Variants in CST3 observed in about 807,000 individuals in gnomAD.
CST3 encodes the protein cystatin-C.
Under a neutral mutation model 9.0 loss-of-function variants are expected in CST3, and 14 were observed. The ratio of observed to expected loss-of-function variants is 1.56; its 90% confidence interval spans 1.03 to 2.44. The LOEUF is 2.44. Among genes scored for constraint, CST3 ranks in the 30% most tolerant of loss-of-function variants. The pLI, the probability that CST3 is intolerant of heterozygous loss-of-function variation, is 0.00. For missense variants in CST3, 237 were observed against 204.3 expected (o/e 1.16, Z -0.98); for synonymous variants, 96 against 90.2 (o/e 1.06, Z -0.37).
chr20:23,637,525 C>G, intron 1 of CST3, 95 bp downstream of exon 1: 1 of 1,226,042 alleles, frequency 8.2e-7, no homozygotes. Context: ...GAAGCCCAGG[C>G]GCCGGAGAGG....
chr20:23,637,544 G>A (rs1568706361), intron 1 of CST3, 76 bp downstream of exon 1: 1 of 1,338,556 alleles, frequency 7.5e-7, no homozygotes, highest in Admixed American at 3.4e-5. Context: ...GGAGCAGCAC[G>A]GGGTCCGGGA....
At chr20:23,635,189 C>T (rs1221816797) in intron 2 of CST3, 65 bp downstream of exon 2, 5 of 1,329,232 alleles carry the variant, frequency 3.8e-6, no homozygotes, top group Non-Finnish European at 5.4e-6. Context: ...GCATCACACA[C>T]ACACACACAC....
exon 4 of CST3, chr20:23,628,309 A>G (rs1327140816): frequency 6.6e-6 from 1 of 152,236 alleles, no homozygotes; most frequent in African/African-American, 2.4e-5. Flanking sequence ...GAGCCCGATT[A>G]TATCTCAATA....
At chr20:23,628,019 A>G (rs1979314372) in exon 4 of CST3, 1 of 152,124 alleles carries the variant, frequency 6.6e-6, no homozygotes, top group South Asian at 2.1e-4. Context: ...TATCAGATAT[A>G]TAATTTGCAA....
chr20:23,628,063 T>C (rs974834619), exon 4 of CST3: 1 of 152,130 alleles, frequency 6.6e-6, no homozygotes, highest in Admixed American at 6.5e-5. Context: ...TGTTTTTTTT[T>C]GTTTTTGTTT....
downstream of CST3, among the ~76,000 whole-genome samples, chr20:23,633,240 G>C (rs1979515495): frequency 6.6e-6 from 1 of 152,182 alleles, no homozygotes; most frequent in Non-Finnish European, 1.5e-5. Context: ...GAGCAGCTCA[G>C]TCCCTGGGGT....
Position 23,635,332 on chromosome 20 carries a change from C to G in CST3, c.279G>C (p.Glu93Asp). 6.2e-7 allele frequency: 1 copy of G among 1,613,792 alleles called. No individual in the cohort carries two copies. The highest frequency in any genetic ancestry group is 8.5e-7 in the Non-Finnish European group (1 of 1,179,740). The change falls in exon 2 of 3, where the codon GAG becomes GAC. Residue 93 changes from glutamate (E) to aspartate (D), a missense_variant. Glu to Asp is a conservative substitution (Grantham distance 45). Transcript: ENST00000376925. ...VAGVNYFLDV[E>D]LGRTTCTKTQ... is the part of the protein sequence containing the mutation. The stretch of plus-strand genomic sequence containing the variant: ...TCTTGGTACACGTGGTTCGGCCCAG[C>G]TCCACGTCCAAGAAGTAGTTCACCC...
intron 2 of CST3, among the ~76,000 whole-genome samples, chr20:23,634,647 C>T (rs1979590403): frequency 6.6e-6 from 1 of 152,092 alleles, no homozygotes; most frequent in South Asian, 2.1e-4. Context: ...CTGCCCAGCA[C>T]CCAGCCCTGC....
Position 23,637,634 on chromosome 20 carries a change from G to A in CST3, c.229C>T (p.Arg77Cys). The A allele has an allele frequency of 6.6e-7, 1 of 1,521,564 alleles. No individual in the cohort carries two copies. Among genetic ancestry groups the A allele is most frequent in the Non-Finnish European group, 8.8e-7 (1 of 1,135,498 alleles). 94.3% of individuals were successfully genotyped at this position (1,521,564 alleles called of 1,614,324 possible). ...MYHSRALQVVRARKQIVAGVN... is the reference protein window; with the variant it reads ...MYHSRALQVVCARKQIVAGVN... ...GCGGCACGCACCTGCTTGCGGGCGC[G>A]CACCACCTGCAGCGCGCGGCTGTGG... Residue 77 changes from arginine (R) to cysteine (C), a missense_variant, in exon 1 of 3, where the codon CGC (arginine) becomes TGC (cysteine). By Grantham distance (180) the Arg-to-Cys change is radical. Transcript: ENST00000376925.
rs1600362283 is a variant in CST3, at chr20:23,633,662, T to C, written c.*254A>G. 2 of 604,316 alleles carry C rather than the reference T, an allele frequency of 3.3e-6. No homozygotes were observed. Among genetic ancestry groups the C allele is most frequent in the East Asian group, 5.6e-5 (2 of 35,948 alleles). 37.4% of individuals were successfully genotyped at this position (604,316 alleles called of 1,614,324 possible). ...CAGCCAAGAACTCAGAGGGAGCCGATGCTACTATTTTATTGCAGGAGGTGG... is the reference window on the plus strand; with the variant it reads ...CAGCCAAGAACTCAGAGGGAGCCGACGCTACTATTTTATTGCAGGAGGTGG... On this transcript the variant is annotated 3_prime_UTR_variant, in exon 3 of 3. Transcript: ENST00000376925.
chr20:23,631,011 G>A (rs1037942632), downstream of CST3, among the ~76,000 whole-genome samples: 8 of 151,922 alleles, frequency 5.3e-5, no homozygotes, highest in African/African-American at 7.3e-5. Context: ...AATGTTAAAC[G>A]TTGTCAATTT....
chr20:23,635,674 G>C (rs2122476556), intron 1 of CST3, among the ~76,000 whole-genome samples: 1 of 152,340 alleles, frequency 6.6e-6, no homozygotes, highest in South Asian at 2.1e-4. Flanking sequence ...CTCATGTGAT[G>C]ATGAAATTTC....
At chr20:23,633,587 A>C (rs1023696030), downstream of CST3, 12 of 500,322 alleles carry the variant, frequency 2.4e-5, no homozygotes, top group East Asian at 3.7e-5. Flanking sequence ...CAGGACAAGG[A>C]GGCTTCATAA....
chr20:23,627,771 T>C (rs1014204721), exon 4 of CST3: 1 of 152,232 alleles, frequency 6.6e-6, no homozygotes, highest in African/African-American at 2.4e-5. Context: ...TAATAGCTAA[T>C]GGTGTTATGC....
chr20:23,635,641 A>C (rs906426943), intron 1 of CST3, among the ~76,000 whole-genome samples: 2 of 152,214 alleles, frequency 1.3e-5, no homozygotes, highest in African/African-American at 2.4e-5. Flanking sequence ...GGGCAGGGAC[A>C]CTGGATCTAT....
At chr20:23,631,167 A>T (rs1380091579), downstream of CST3, among the ~76,000 whole-genome samples, 2 of 152,240 alleles carry the variant, frequency 1.3e-5, no homozygotes, top group African/African-American at 4.8e-5. Context: ...CAAAAATATT[A>T]TATTTAAAAT....
rs779880710 is a variant in CST3 at position 23,635,417 on chromosome 20, C to T, written c.244-50G>A. The T allele has an allele frequency of 1.8e-5, 27 of 1,499,286 alleles. No homozygotes were observed. The Admixed American group carries it at 4.8e-4, about 27-fold the overall frequency. The allele number at this position is 1,499,286 out of a possible 1,614,324, so 92.9% of individuals were successfully genotyped here. A position where few individuals can be genotyped will look rare whatever the true frequency, so the allele number is the denominator to read the frequency against. ...CAGGGACAGCACGTTCTGTCAGTTT[C>T]TTACACACACAGGCACTTCACTGTG... On this transcript the variant is annotated intron_variant, in intron 1 of 2. Transcript: ENST00000376925.
rs765197140 is a variant in CST3, at chr20:23,633,948, T to C, written c.409A>G (p.Thr137Ala). Reference sequence around the variant, plus strand: ...TCCTGACAGGTGGATTTCGACAAGGTCATTGTGCCCTGCCAAGGCACAGCG... The same window carrying C: ...TCCTGACAGGTGGATTTCGACAAGGCCATTGTGCCCTGCCAAGGCACAGCG... ...IYAVPWQGTM[T>A]LSKSTCQDA Residue 137 changes from threonine (T) to alanine (A), a missense_variant, in exon 3 of 3, where the codon ACC becomes GCC. Transcript: ENST00000376925. The C allele has an allele frequency of 1.2e-5, 19 of 1,614,090 alleles. No individual in the cohort carries two copies. The Admixed American group carries it at 3.2e-4, about 27-fold the overall frequency.
chr20:23,627,359 G>A (rs978762900), exon 4 of CST3: 3 of 152,112 alleles, frequency 2.0e-5, no homozygotes, highest in Admixed American at 6.5e-5. Flanking sequence ...ATTGTAGCAC[G>A]GGTCATGTCA....
Sources: gnomAD v4.1 joint callset for allele counts (sites outside exome capture counted in the v4.1 genomes callset) on GRCh38, gnomAD v4.1.1 for gene constraint, MANE v1.5 for transcripts, NCBI Gene and HGNC (gene_info 2026-07-23, HGNC 2026-07-21) for gene names.